PIBF1: variants seen among roughly 807,000 people sequenced by gnomAD.
PIBF1 encodes the protein progesterone immunomodulatory binding factor 1, also known as progesterone-induced-blocking factor 1.
In PIBF1, 90 loss-of-function variants were observed where a neutral mutation model predicts 112.5. The ratio of observed to expected loss-of-function variants is 0.80; its 90% CI spans 0.67 to 0.95. PIBF1 has a LOEUF of 0.95. Ranked by LOEUF, PIBF1 falls within the 40% of genes least tolerant of loss-of-function variation. PIBF1 has a pLI of 0.00. For missense variants in PIBF1, 915 were observed against 852.3 expected (o/e 1.07, Z -0.92); for synonymous variants, 301 against 288.6 (o/e 1.04, Z -0.44).
At chr13:72,786,816 C>G (rs1270827497) in intron 2 of PIBF1, among the ~76,000 whole-genome samples, 2 of 152,166 alleles carry the variant, frequency 1.3e-5, no homozygotes, top group Non-Finnish European at 2.9e-5. Flanking sequence ...TGCTTGAAGA[C>G]TCTTTAGGAA....
intron 11 of PIBF1, among the ~76,000 whole-genome samples, chr13:72,897,637 A>G (rs942257892): frequency 2.0e-5 from 3 of 152,226 alleles, no homozygotes; most frequent in African/African-American, 7.2e-5. Context: ...TCATGCAATG[A>G]ACACCAAAAG....
chr13:72,810,857 A>ATTT (rs34414482), intron 5 of PIBF1, among the ~76,000 whole-genome samples: 3 of 141,798 alleles, frequency 2.1e-5, no homozygotes, highest in Non-Finnish European at 3.1e-5. Flanking sequence ...AAGAACCTCA[A>ATTT]TTTTTTTTTT....
At chr13:72,841,096 CTTGGATATTTAG>C (rs2037590454) in intron 9 of PIBF1, among the ~76,000 whole-genome samples, 1 of 152,102 alleles carries the variant, frequency 6.6e-6, no homozygotes, top group Admixed American at 6.5e-5. Context: ...GAAGAGAGAA[CTTGGATATTTAG>C]ATACATCAAA....
intron 10 of PIBF1, among the ~76,000 whole-genome samples, chr13:72,884,937 T>C (rs1483293544): frequency 2.0e-5 from 3 of 152,278 alleles, no homozygotes; most frequent in East Asian, 3.9e-4. Flanking sequence ...TATTATGTCT[T>C]CTATTTATGT....
chr13:72,892,842 A>T (rs1384454356), intron 10 of PIBF1, among the ~76,000 whole-genome samples: 1 of 150,096 alleles, frequency 6.7e-6, no homozygotes, highest in Non-Finnish European at 1.5e-5. Flanking sequence ...ATACAAACCA[A>T]GTTAGGTCTC....
At chr13:72,889,831 T>C (rs12323042) in intron 10 of PIBF1, among the ~76,000 whole-genome samples, 4,085 of 152,300 alleles carry the variant, frequency 0.027, 72 homozygotes, top group Non-Finnish European at 0.04. Context: ...TTTAGTACTT[T>C]TTAGGTATTC....
intron 5 of PIBF1, 46 bp downstream of exon 5, chr13:72,798,072 C>CACT: frequency 6.5e-7 from 1 of 1,544,266 alleles, no homozygotes. Flanking sequence ...TCGGCTTTTT[C>CACT]TGTAGAGTCC....
intron 2 of PIBF1, among the ~76,000 whole-genome samples, chr13:72,784,401 G>A (rs536938561): frequency 2.0e-5 from 3 of 151,804 alleles, no homozygotes; most frequent in Admixed American, 6.6e-5. Context: ...AGCCACAATC[G>A]TGCCACTGCA....
At chr13:72,849,083 T>C (rs865787057) in intron 9 of PIBF1, among the ~76,000 whole-genome samples, 24 of 152,246 alleles carry the variant, frequency 1.6e-4, no homozygotes, top group Admixed American at 6.5e-4. Context: ...AAGATTTATT[T>C]TCTTCAATCT....
At chr13:72,987,891 T>G (rs2043357424) in intron 16 of PIBF1, among the ~76,000 whole-genome samples, 1 of 127,112 alleles carries the variant, frequency 7.9e-6, no homozygotes, top group Non-Finnish European at 1.6e-5. Context: ...TGAGGCAGAG[T>G]CTCGCTCTGT....
intron 13 of PIBF1, among the ~76,000 whole-genome samples, chr13:72,918,101 C>G (rs1391518682): frequency 6.6e-6 from 1 of 152,114 alleles, no homozygotes; most frequent in East Asian, 1.9e-4. Flanking sequence ...AAAATTTATC[C>G]TGCTTTGCAA....
chr13:72,978,429 A>G (rs989800859), intron 16 of PIBF1, among the ~76,000 whole-genome samples: 1 of 152,246 alleles, frequency 6.6e-6, no homozygotes, highest in Non-Finnish European at 1.5e-5. Flanking sequence ...CCCTGAAACA[A>G]AACTAAGGTT....
At chr13:72,859,984 G>A (rs532123878) in intron 10 of PIBF1, among the ~76,000 whole-genome samples, 54 of 152,302 alleles carry the variant, frequency 3.5e-4, no homozygotes, top group African/African-American at 1.2e-3. Flanking sequence ...ACATAAAGTA[G>A]TAGAATTGGG....
At chr13:73,005,294 CAA>C (rs771810941) in intron 17 of PIBF1, among the ~76,000 whole-genome samples, 25 of 135,580 alleles carry the variant, frequency 1.8e-4, no homozygotes, top group Admixed American at 2.2e-4. Context: ...CTACCTTTAC[CAA>C]AAAAAAAAAA....
intron 10 of PIBF1, 77 bp from the exon 11 acceptor site, chr13:72,893,707 T>C: frequency 8.5e-6 from 7 of 828,278 alleles, no homozygotes; most frequent in Non-Finnish European, 1.2e-5. Flanking sequence ...GTAGAAAACA[T>C]AGAAGTAAGG....
At chr13:72,807,126 A>G (rs1440483090) in intron 5 of PIBF1, among the ~76,000 whole-genome samples, 1 of 151,528 alleles carries the variant, frequency 6.6e-6, no homozygotes, top group Non-Finnish European at 1.5e-5. Context: ...AAGAAGTGTT[A>G]TCATGAATTC....
chr13:72,998,688 T>A (rs1438411814), intron 16 of PIBF1, 134 bp from the exon 17 acceptor site: 1 of 603,618 alleles, frequency 1.7e-6, no homozygotes. Flanking sequence ...TGATTCTAAT[T>A]ACTATTTTAT....
intron 16 of PIBF1, among the ~76,000 whole-genome samples, chr13:72,997,547 G>A (rs898639702): frequency 6.6e-6 from 1 of 152,106 alleles, no homozygotes; most frequent in Non-Finnish European, 1.5e-5. Flanking sequence ...AGGTTATATG[G>A]CTTAAACTCA....
chr13:72,846,309 T>G (rs982979934), intron 9 of PIBF1, among the ~76,000 whole-genome samples: 32 of 152,186 alleles, frequency 2.1e-4, no homozygotes, highest in African/African-American at 7.5e-4. Flanking sequence ...TTCTATTCAT[T>G]AGCAAATCCT....
Sources: allele counts gnomAD v4.1 joint callset (sites outside exome capture counted in the v4.1 genomes callset), GRCh38; gene constraint gnomAD v4.1.1; transcripts MANE v1.5; gene names NCBI Gene and HGNC (gene_info 2026-07-23, HGNC 2026-07-21).